The following SLIT3 variants were observed in gnomAD, a reference collection of about 807,000 sequenced individuals.
SLIT3 encodes slit homolog 3 protein.
Under a neutral mutation model 184.0 loss-of-function variants are expected in SLIT3, and 68 were observed. That is an observed-to-expected ratio of 0.37 (90% confidence interval 0.30 to 0.45). The LOEUF is 0.45. SLIT3 is among the 20% of genes least tolerant of loss of function. The pLI, the probability that SLIT3 is intolerant of heterozygous loss-of-function variation, is 1.00. For missense variants in SLIT3, 1,707 were observed against 2,026.0 expected (o/e 0.84, Z 3.02); for synonymous variants, 831 against 828.6 (o/e 1.00, Z -0.05).
At chr5:169,141,199 C>G (rs192014175) in intron 4 of SLIT3, among the ~76,000 whole-genome samples, 1 of 152,112 alleles carries the variant, frequency 6.6e-6, no homozygotes, top group African/African-American at 2.4e-5. Context: ...AGGTCTACCC[C>G]GACATGACCC....
chr5:169,281,869 T>A (rs1767007117), intron 1 of SLIT3, among the ~76,000 whole-genome samples: 1 of 67,950 alleles, frequency 1.5e-5, no homozygotes, highest in Non-Finnish European at 3.5e-5. Flanking sequence ...TAACCAGAGG[T>A]AATTTTCCCC....
At chr5:169,260,771 G>A (rs914374233) in intron 1 of SLIT3, among the ~76,000 whole-genome samples, 4 of 152,166 alleles carry the variant, frequency 2.6e-5, no homozygotes, top group Non-Finnish European at 4.4e-5. Context: ...TTAAGTTTCA[G>A]GAATTGTGCT....
intron 4 of SLIT3, among the ~76,000 whole-genome samples, chr5:168,946,963 T>C (rs1254157201): frequency 6.6e-6 from 1 of 152,148 alleles, no homozygotes; most frequent in Admixed American, 6.5e-5. Context: ...GAGAAAAGAT[T>C]TCACAATTAA....
At chr5:168,689,281 TA>T (rs1761839535) in intron 29 of SLIT3, among the ~76,000 whole-genome samples, 1 of 152,248 alleles carries the variant, frequency 6.6e-6, no homozygotes, top group Admixed American at 6.5e-5. Context: ...GCTGGTGCTG[TA>T]ACCTGCATTC....
At chr5:168,973,437 G>A (rs977914173) in intron 4 of SLIT3, among the ~76,000 whole-genome samples, 1 of 152,168 alleles carries the variant, frequency 6.6e-6, no homozygotes, top group Admixed American at 6.5e-5. Flanking sequence ...TAGTTGAGAC[G>A]GGGTTTTGCC....
At chr5:169,094,413 G>A (rs1410769717) in intron 4 of SLIT3, among the ~76,000 whole-genome samples, 1 of 152,220 alleles carries the variant, frequency 6.6e-6, no homozygotes, top group Non-Finnish European at 1.5e-5. Context: ...TGGATCACCT[G>A]AGGTCAGGAG....
chr5:169,061,059 T>C (rs1304743027), intron 4 of SLIT3, among the ~76,000 whole-genome samples: 3 of 152,192 alleles, frequency 2.0e-5, no homozygotes, highest in Admixed American at 6.5e-5. Context: ...TGAATATAAA[T>C]AGAATCTACC....
chr5:169,228,596 T>C (rs1311552059), intron 3 of SLIT3, among the ~76,000 whole-genome samples: 1 of 152,192 alleles, frequency 6.6e-6, no homozygotes, highest in African/African-American at 2.4e-5. Context: ...TAACAACATA[T>C]ACTTCATGTA....
intron 4 of SLIT3, among the ~76,000 whole-genome samples, chr5:169,117,347 C>T (rs1385787919): frequency 6.6e-6 from 1 of 152,140 alleles, no homozygotes; most frequent in Non-Finnish European, 1.5e-5. Flanking sequence ...TGTGAAATGA[C>T]TTCCTCAGTC....
intron 4 of SLIT3, among the ~76,000 whole-genome samples, chr5:168,928,536 A>G (rs539170734): frequency 6.4e-4 from 97 of 152,098 alleles, no homozygotes; most frequent in Non-Finnish European, 1.3e-3. Flanking sequence ...GTCTCTGCCT[A>G]CCTTCCCTCC....
intron 4 of SLIT3, among the ~76,000 whole-genome samples, chr5:169,181,367 A>C (rs1057156089): frequency 6.6e-5 from 10 of 152,180 alleles, no homozygotes; most frequent in African/African-American, 2.4e-4. Context: ...TATAGGAAGA[A>C]GACTATTAGA....
At chr5:169,235,204 TTATCTC>T (rs1467484446) in intron 3 of SLIT3, among the ~76,000 whole-genome samples, 1 of 152,188 alleles carries the variant, frequency 6.6e-6, no homozygotes, top group Non-Finnish European at 1.5e-5. Context: ...TTAAATCCCT[TTATCTC>T]TATATTAATT....
intron 3 of SLIT3, among the ~76,000 whole-genome samples, chr5:169,200,478 C>T (rs771189781): frequency 1.3e-5 from 2 of 152,132 alleles, no homozygotes; most frequent in Non-Finnish European, 2.9e-5. Flanking sequence ...TCCAAGTCAC[C>T]CCCAATGGAG....
At chr5:169,137,272 A>C (rs1761540281) in intron 4 of SLIT3, among the ~76,000 whole-genome samples, 1 of 149,496 alleles carries the variant, frequency 6.7e-6, no homozygotes, top group Non-Finnish European at 1.5e-5. Context: ...TCTCTCTCTC[A>C]ATTAATCTCC....
intron 4 of SLIT3, among the ~76,000 whole-genome samples, chr5:168,909,546 CGTT>C (rs1181459749): frequency 6.6e-6 from 1 of 152,132 alleles, no homozygotes; most frequent in Non-Finnish European, 1.5e-5. Context: ...ATTGAGCTTG[CGTT>C]GTTATTTTTC....
At chr5:168,755,389 A>ATTTCTTCC (rs1754859716) in intron 16 of SLIT3, among the ~76,000 whole-genome samples, 1 of 133,640 alleles carries the variant, frequency 7.5e-6, no homozygotes, top group Non-Finnish European at 1.7e-5. Context: ...CAGTGCCGCC[A>ATTTCTTCC]TTTCTTTCTT....
chr5:169,286,949 C>T (rs997719547), intron 1 of SLIT3, among the ~76,000 whole-genome samples: 1 of 152,298 alleles, frequency 6.6e-6, no homozygotes, highest in Admixed American at 6.5e-5. Flanking sequence ...CAGCATGCAG[C>T]TCCAGTCAGG....
At chr5:168,787,266 C>T (rs1329891423) in intron 11 of SLIT3, among the ~76,000 whole-genome samples, 1 of 152,218 alleles carries the variant, frequency 6.6e-6, no homozygotes, top group Non-Finnish European at 1.5e-5. Context: ...GTCAGGACTT[C>T]TAGTGTAGCA....
intron 4 of SLIT3, among the ~76,000 whole-genome samples, chr5:169,006,682 C>T (rs1335039393): frequency 9.3e-5 from 14 of 151,346 alleles, no homozygotes; most frequent in Non-Finnish European, 1.5e-5. Flanking sequence ...CTATTAGAAA[C>T]AGGATTTGAA....
Sources: gnomAD v4.1 joint callset for allele counts (sites outside exome capture counted in the v4.1 genomes callset) on GRCh38, gnomAD v4.1.1 for gene constraint, MANE v1.5 for transcripts, NCBI Gene and HGNC (gene_info 2026-07-23, HGNC 2026-07-21) for gene names.